The following CPQ variants were observed in gnomAD, a reference collection of about 807,000 sequenced individuals.
The protein encoded by CPQ is Ser-Met dipeptidase.
In CPQ, 37 loss-of-function variants were observed where a neutral mutation model predicts 45.7. The observed-to-expected ratio is 0.81, with a 90% CI of 0.62 to 1.07. CPQ has a LOEUF of 1.07. CPQ is among the 50% of genes least tolerant of loss of function. CPQ has a pLI of 0.00. For missense variants in CPQ, 537 were observed against 572.9 expected (o/e 0.94, Z 0.64); for synonymous variants, 186 against 205.8 (o/e 0.90, Z 0.82).
intron 1 of CPQ, among the ~76,000 whole-genome samples, chr8:96,672,313 GC>G (rs1345893171): frequency 6.6e-6 from 1 of 152,090 alleles, no homozygotes. Context: ...CCTGGGACCT[GC>G]CATGTACTAG....
chr8:97,083,145 T>A (rs1810981938), intron 7 of CPQ, among the ~76,000 whole-genome samples: 1 of 152,184 alleles, frequency 6.6e-6, no homozygotes, highest in South Asian at 2.1e-4. Context: ...ATTGTGAGAA[T>A]TGAATGTATT....
At chr8:96,810,109 C>T (rs531816974) in intron 2 of CPQ, among the ~76,000 whole-genome samples, 36 of 152,254 alleles carry the variant, frequency 2.4e-4, no homozygotes, top group African/African-American at 8.4e-4. Context: ...ATTGAAGATT[C>T]AGTTTGGAAT....
chr8:96,910,568 G>T (rs760509843), intron 4 of CPQ, among the ~76,000 whole-genome samples: 11 of 152,254 alleles, frequency 7.2e-5, no homozygotes, highest in Non-Finnish European at 1.5e-4. Flanking sequence ...ACAGTGGTGT[G>T]ATGTCAGCTC....
At chr8:96,998,265 C>G (rs1019386955) in intron 5 of CPQ, among the ~76,000 whole-genome samples, 10 of 151,710 alleles carry the variant, frequency 6.6e-5, no homozygotes, top group African/African-American at 2.4e-4. Flanking sequence ...CAAATTAGAA[C>G]ATGCAGATTC....
intron 1 of CPQ, among the ~76,000 whole-genome samples, chr8:96,665,713 A>C (rs1316643627): frequency 6.6e-6 from 1 of 152,226 alleles, no homozygotes; most frequent in East Asian, 1.9e-4. Context: ...ATATGGGCTT[A>C]TCTCTATTCC....
At chr8:96,723,396 A>G (rs1809793461) in intron 1 of CPQ, among the ~76,000 whole-genome samples, 1 of 152,196 alleles carries the variant, frequency 6.6e-6, no homozygotes, top group Non-Finnish European at 1.5e-5. Flanking sequence ...TATCCTGCTA[A>G]TGGAGTATTG....
intron 1 of CPQ, among the ~76,000 whole-genome samples, chr8:96,690,944 G>T (rs895529174): frequency 1.4e-5 from 2 of 145,788 alleles, no homozygotes; most frequent in South Asian, 4.2e-4. Context: ...AATCCAAGAG[G>T]TAACCAGATT....
intron 7 of CPQ, among the ~76,000 whole-genome samples, chr8:97,090,159 C>A (rs1166555375): frequency 6.6e-6 from 1 of 152,122 alleles, no homozygotes; most frequent in Non-Finnish European, 1.5e-5. Flanking sequence ...TCTGAGAGTT[C>A]CCTGGAGTAG....
At chr8:96,773,747 G>C (rs528947603) in intron 1 of CPQ, among the ~76,000 whole-genome samples, 2 of 152,118 alleles carry the variant, frequency 1.3e-5, no homozygotes, top group African/African-American at 2.4e-5. Flanking sequence ...ACCAGCATTC[G>C]GTGTCTGATG....
intron 4 of CPQ, among the ~76,000 whole-genome samples, chr8:96,905,457 C>T (rs969004679): frequency 2.0e-5 from 3 of 152,050 alleles, no homozygotes; most frequent in Non-Finnish European, 4.4e-5. Flanking sequence ...TGAACACTGC[C>T]CCATACAAAG....
chr8:97,059,388 C>A (rs1465916025), intron 6 of CPQ, among the ~76,000 whole-genome samples: 1 of 152,114 alleles, frequency 6.6e-6, no homozygotes, highest in Non-Finnish European at 1.5e-5. Context: ...ATGTAACTTA[C>A]CCAAGACTGC....
At chr8:96,989,954 C>G (rs927834839) in intron 5 of CPQ, among the ~76,000 whole-genome samples, 2 of 152,080 alleles carry the variant, frequency 1.3e-5, no homozygotes, top group African/African-American at 4.8e-5. Flanking sequence ...TGACTTGTGG[C>G]CCAGGGCTCT....
rs200280097 is a variant in CPQ at position 97,041,137 on chromosome 8, C to G, written c.1053+11643C>G. Reference sequence around the variant, plus strand: ...ATGAGCATGGGATGTTCTTCCATTTCTTTGTATCCTCTTTTATTTCATTGA... The same window carrying G: ...ATGAGCATGGGATGTTCTTCCATTTGTTTGTATCCTCTTTTATTTCATTGA... On this transcript the variant is annotated intron_variant, in intron 6 of 7. Transcript: ENST00000220763. Among the ~76,000 whole-genome samples, 25 of 152,024 alleles carry G rather than the reference C, an allele frequency of 1.6e-4. 1 individual carries two copies. The highest frequency in any genetic ancestry group is 5.8e-4 in the African/African-American group (24 of 41,398).
intron 2 of CPQ, among the ~76,000 whole-genome samples, chr8:96,807,685 A>G (rs1385421853): frequency 6.6e-6 from 1 of 152,170 alleles, no homozygotes; most frequent in Non-Finnish European, 1.5e-5. Flanking sequence ...ATCCTGCAAT[A>G]TCTGACCTTT....
At chr8:96,692,817 G>T (rs73277732) in intron 1 of CPQ, among the ~76,000 whole-genome samples, 1 of 152,012 alleles carries the variant, frequency 6.6e-6, no homozygotes, top group Admixed American at 6.6e-5. Context: ...GATCAAGACC[G>T]TCCAGAAAAC....
At chr8:96,841,592 A>G (rs1811610401) in intron 3 of CPQ, among the ~76,000 whole-genome samples, 1 of 152,172 alleles carries the variant, frequency 6.6e-6, no homozygotes, top group Non-Finnish European at 1.5e-5. Context: ...TACTGTGAAA[A>G]TTGCATCACC....
At chr8:97,090,874 C>T (rs1225624797) in intron 7 of CPQ, among the ~76,000 whole-genome samples, 1 of 152,164 alleles carries the variant, frequency 6.6e-6, no homozygotes, top group Non-Finnish European at 1.5e-5. Context: ...CCACCTCATC[C>T]TCTCCAAACA....
chr8:96,862,177 C>A (rs1811934285), intron 3 of CPQ, among the ~76,000 whole-genome samples: 1 of 151,926 alleles, frequency 6.6e-6, no homozygotes, highest in African/African-American at 2.4e-5. Context: ...GCCTTTAAAT[C>A]CCAGCCCTTC....
intron 4 of CPQ, among the ~76,000 whole-genome samples, chr8:96,883,890 A>G (rs939295598): frequency 4.6e-5 from 7 of 152,118 alleles, no homozygotes; most frequent in Non-Finnish European, 1.0e-4. Flanking sequence ...CCTAATGGCT[A>G]TTTCAGGAAC....
Sources: gnomAD v4.1 joint callset for allele counts (sites outside exome capture counted in the v4.1 genomes callset) on GRCh38, gnomAD v4.1.1 for gene constraint, MANE v1.5 for transcripts, NCBI Gene and HGNC (gene_info 2026-07-23, HGNC 2026-07-21) for gene names.